The following HYKK variants were observed in gnomAD, a reference collection of about 807,000 sequenced individuals.
HYKK encodes the protein hydroxylysine kinase, also known as 5-hydroxy-L-lysine kinase.
Under a neutral mutation model 29.7 loss-of-function variants are expected in HYKK, and 19 were observed. That is an observed-to-expected ratio of 0.64 (90% CI 0.45 to 0.94). The LOEUF (loss-of-function observed/expected upper bound fraction) is 0.94. Among genes scored for constraint, HYKK ranks in the 40% least tolerant of loss-of-function variants. HYKK has a pLI of 0.00. For missense variants in HYKK, 390 were observed against 443.4 expected (o/e 0.88, Z 1.08); for synonymous variants, 152 against 158.1 (o/e 0.96, Z 0.29).
downstream of HYKK, chr15:78,537,351 AAACT>A (rs1325011592): frequency 3.1e-6 from 2 of 638,378 alleles, no homozygotes; most frequent in Non-Finnish European, 2.9e-6. Context: ...TCTGTTGAAT[AAACT>A]GTAAGAATGA....
intron 3 of HYKK, among the ~76,000 whole-genome samples, chr15:78,521,607 A>G (rs946323409): frequency 6.6e-6 from 1 of 152,050 alleles, no homozygotes; most frequent in Non-Finnish European, 1.5e-5. Flanking sequence ...GAGGATAGAA[A>G]AGCCGGAGAA....
At chr15:78,524,529 C>T (rs1373673882) in intron 3 of HYKK, among the ~76,000 whole-genome samples, 6 of 152,216 alleles carry the variant, frequency 3.9e-5, no homozygotes, top group African/African-American at 1.4e-4. Context: ...AAGAACTTTT[C>T]CCCATTGTCT....
chr15:78,508,882 A>AAAAAAAAAAAAG (rs2052042501), intron 1 of HYKK, among the ~76,000 whole-genome samples: 1 of 137,162 alleles, frequency 7.3e-6, no homozygotes, highest in Non-Finnish European at 1.5e-5. Flanking sequence ...TCTCTCTCCA[A>AAAAAAAAAAAAG]AAAAAAAAAA....
rs771215176 is a variant in HYKK at position 78,513,359 on chromosome 15, G to T, written c.271G>T (p.Ala91Ser). The change falls in exon 2 of 5, where the codon GCT becomes TCT. Residue 91 changes from alanine to serine, a missense_variant. By Grantham distance (99) the Ala-to-Ser change is moderately conservative. Coordinates refer to ENST00000388988, the MANE Select transcript of HYKK (RefSeq NM_001013619.4). Reference protein sequence around the residue: ...QNHIIMFLKAAGFPTASVCHT... With the variant: ...QNHIIMFLKASGFPTASVCHT... ...TCACATCATCATGTTTCTGAAAGCC[G>T]CTGGATTTCCAACAGCCTCTGTGTG... is the stretch of plus-strand genomic sequence containing the variant. The T allele has an allele frequency of 4.3e-6, 7 of 1,614,132 alleles. 1 individual carries two copies. The East Asian group carries it at 8.9e-5, about 21-fold the overall frequency.
intron 3 of HYKK, among the ~76,000 whole-genome samples, chr15:78,520,343 G>C (rs576650975): frequency 0.037 from 5,577 of 152,044 alleles, 337 homozygotes; most frequent in African/African-American, 0.13. Flanking sequence ...AGATAAACAA[G>C]TGAACAAAGG....
At chr15:78,513,456 C>G in intron 2 of HYKK, 31 bp downstream of exon 2, 1 of 1,482,166 alleles carries the variant, frequency 6.7e-7, no homozygotes, top group Non-Finnish European at 9.3e-7. Context: ...CGATCCATTA[C>G]CTATCCAGAC....
intron 3 of HYKK, among the ~76,000 whole-genome samples, chr15:78,525,993 T>C (rs778903079): frequency 5.9e-5 from 9 of 152,200 alleles, no homozygotes; most frequent in African/African-American, 1.2e-4. Context: ...CAGCGCTCAC[T>C]CTGTGAAAGA....
At chr15:78,507,758 C>G (rs1006657119) in intron 1 of HYKK, 87 bp downstream of exon 1, 3 of 152,354 alleles carry the variant, frequency 2.0e-5, no homozygotes, top group African/African-American at 7.2e-5. Flanking sequence ...AGGCTCGCTG[C>G]AAGTGTGGAG....
chr15:78,522,558 CAAAAAAAAAA>C (rs746784955), intron 3 of HYKK, among the ~76,000 whole-genome samples: 11 of 42,756 alleles, frequency 2.6e-4, no homozygotes, highest in African/African-American at 7.2e-4. Context: ...GACTCCGTCT[CAAAAAAAAAA>C]AAAAAAAAAA....
At chr15:78,516,908 G>C (rs1274938124) in intron 3 of HYKK, among the ~76,000 whole-genome samples, 8 of 151,912 alleles carry the variant, frequency 5.3e-5, no homozygotes, top group Admixed American at 1.3e-4. Flanking sequence ...TGTAGTCCCA[G>C]CTACTTGGGA....
Position 78,536,264 on chromosome 15 carries a change from CTT to C in HYKK, c.*2596_*2597del, listed in dbSNP as rs1418741878. 1 of 151,838 alleles carries C rather than the reference CTT, an allele frequency of 6.6e-6. No homozygotes were observed. The highest frequency in any genetic ancestry group is 1.5e-5 in the Non-Finnish European group (1 of 68,078). 9.4% of individuals were successfully genotyped at this position (151,838 alleles called of 1,614,324 possible). On this transcript the variant is annotated 3_prime_UTR_variant, in exon 5 of 5. Transcript: ENST00000388988. ...TTCACTACCACAGAGTTCCATGCTACTTTCTCTCCCTCTCCCTCCTCTCCTGT... is the reference window on the plus strand; with the variant it reads ...TTCACTACCACAGAGTTCCATGCTACTCTCTCCCTCTCCCTCCTCTCCTGT...
At position 78,533,887 on chromosome 15, in the gene HYKK, C is replaced by T. The variant is rs1281963268; in HGVS notation, c.*217C>T. 1.4e-5 allele frequency: 8 copies of T among 563,858 alleles called. No individual in the cohort carries two copies. Among genetic ancestry groups the T allele is most frequent in the Admixed American group, 6.7e-5 (2 of 29,714 alleles). 34.9% of individuals were successfully genotyped at this position (563,858 alleles called of 1,614,324 possible). A position where few individuals can be genotyped will look rare whatever the true frequency, so the allele number is the denominator to read the frequency against. On this transcript the variant is annotated 3_prime_UTR_variant, in exon 5 of 5. Transcript: ENST00000388988. ...AAGTACCACAAGCAAGCATATTTTTCTGTGAGTCTTACTTGCCATATCTAT... is the reference window on the plus strand; with the variant it reads ...AAGTACCACAAGCAAGCATATTTTTTTGTGAGTCTTACTTGCCATATCTAT...
rs533829892 is a variant in HYKK at position 78,528,788 on chromosome 15, C to T, written c.661+1225C>T. 18 of 919,396 alleles carry T rather than the reference C, an allele frequency of 2.0e-5. No homozygotes were observed. In the Admixed American group the frequency reaches 3.3e-4, roughly 17 times the overall value. The allele number at this position is 919,396 out of a possible 1,614,324, so 57.0% of individuals were successfully genotyped here. On this transcript the variant is annotated intron_variant, in intron 4 of 4. Transcript: ENST00000388988. The stretch of plus-strand genomic sequence containing the variant: ...CTGCACTCCAGCCTGGGCAACAGAG[C>T]GAAATCCGTCTCCAAAAAAAAAAAA...
intron 2 of HYKK, among the ~76,000 whole-genome samples, chr15:78,514,211 C>G (rs2052104067): frequency 6.6e-6 from 1 of 151,816 alleles, no homozygotes; most frequent in Non-Finnish European, 1.5e-5. Flanking sequence ...ATCAGGAAAT[C>G]AGGAATTTTA....
At position 78,510,529 on chromosome 15, in the gene HYKK, T is replaced by C. The variant is rs566563740; in HGVS notation, c.-5-2555T>C. Among the ~76,000 whole-genome samples the C allele has an allele frequency of 3.9e-5, 6 of 152,212 alleles. No individual in the cohort carries two copies. The East Asian group carries it at 1.2e-3, about 29-fold the overall frequency. On this transcript the variant is annotated intron_variant, in intron 1 of 4. Transcript: ENST00000388988. Reference sequence around the variant, plus strand: ...TATTTTAACTTGAGTCATCAGGCCATAGTCCTAGGACTGAGGCAGGGAGGG... The same window carrying C: ...TATTTTAACTTGAGTCATCAGGCCACAGTCCTAGGACTGAGGCAGGGAGGG...
intron 2 of HYKK, 112 bp downstream of exon 2, chr15:78,513,537 G>GTTA (rs2052097510): frequency 1.3e-6 from 1 of 786,552 alleles, no homozygotes; most frequent in African/African-American, 1.7e-5. Context: ...AGATGTGGTT[G>GTTA]TTATTATTTT....
chr15:78,516,430 C>G lies in HYKK; in HGVS notation c.477+1323C>G, dbSNP rs150002817. On this transcript the variant is annotated intron_variant, in intron 3 of 4. Coordinates refer to ENST00000388988, the MANE Select transcript of HYKK (RefSeq NM_001013619.4). ...GTACAGTCACAGCTTAATGCAGCCT[C>G]GAATTCCCAGGCTCAAGCAATCCTC... 7.8e-4 allele frequency among the ~76,000 whole-genome samples: 117 copies of G among 149,614 alleles called. 2 individuals are homozygous for G. The East Asian group carries it at 0.021, about 26-fold the overall frequency.
intron 3 of HYKK, 100 bp downstream of exon 3, chr15:78,515,207 G>A: frequency 1.2e-6 from 1 of 858,106 alleles, no homozygotes; most frequent in Non-Finnish European, 1.7e-6. Flanking sequence ...TATGTATGGT[G>A]CTACCTAAGG....
chr15:78,514,329 A>G (rs550295132), intron 2 of HYKK, among the ~76,000 whole-genome samples: 1 of 152,174 alleles, frequency 6.6e-6, no homozygotes, highest in Admixed American at 6.5e-5. Context: ...ACCTCTAAAT[A>G]CTAAAATGCT....
Sources: gnomAD v4.1 joint callset for allele counts (sites outside exome capture counted in the v4.1 genomes callset) on GRCh38, gnomAD v4.1.1 for gene constraint, MANE v1.5 for transcripts, NCBI Gene and HGNC (gene_info 2026-07-23, HGNC 2026-07-21) for gene names.